MAP2K3: variants seen among roughly 807,000 people sequenced by gnomAD.
MAP2K3 encodes the protein mitogen-activated protein kinase kinase 3.
Under a neutral mutation model 46.4 loss-of-function variants are expected in MAP2K3, and 30 were observed. That is an observed-to-expected ratio of 0.65 (90% CI 0.48 to 0.88). The LOEUF (loss-of-function observed/expected upper bound fraction) is 0.88. MAP2K3 is among the 40% of genes least tolerant of loss of function. The pLI, the probability that MAP2K3 is intolerant of heterozygous loss-of-function variation, is 0.00. For synonymous variants in MAP2K3, 189 were observed against 176.3 expected, an observed-to-expected ratio of 1.07 and a Z score of -0.57; for missense variants, 380 against 464.5, an observed-to-expected ratio of 0.82 and a Z score of 1.67.
intron 1 of MAP2K3, among the ~76,000 whole-genome samples, chr17:21,294,508 C>G (rs67475926): frequency 5.2e-3 from 795 of 152,268 alleles, no homozygotes; most frequent in African/African-American, 0.018. Context: ...AGGGAGCAGC[C>G]GAAGTGGGGG....
intron 1 of MAP2K3, chr17:21,288,231 G>GGAGGTGGAGGA (rs1423756333): frequency 1.7e-6 from 1 of 579,846 alleles, no homozygotes; most frequent in East Asian, 7.0e-5. Context: ...GCCCTGAGCT[G>GGAGGTGGAGGA]GGGCACTGGA....
At chr17:21,309,506 C>A in intron 9 of MAP2K3, among the ~76,000 whole-genome samples, 1 of 152,062 alleles carries the variant, frequency 6.6e-6, no homozygotes, top group South Asian at 2.1e-4. Context: ...ACCTCTTACC[C>A]CGTTTCAGTG....
At chr17:21,303,319 A>C in intron 7 of MAP2K3, 85 bp downstream of exon 7, 4 of 1,587,286 alleles carry the variant, frequency 2.5e-6, no homozygotes, top group Non-Finnish European at 3.4e-6. Context: ...CCTATGAGCA[A>C]CTGTGGCTCC....
At chr17:21,287,869 G>A (rs1567655824) in intron 1 of MAP2K3, 1 of 397,530 alleles carries the variant, frequency 2.5e-6, no homozygotes, top group South Asian at 1.8e-5. Flanking sequence ...TGACACTGAG[G>A]TTTCATAGAG....
intron 1 of MAP2K3, among the ~76,000 whole-genome samples, chr17:21,296,464 G>C (rs875404): frequency 0.067 from 9,800 of 145,220 alleles, no homozygotes; most frequent in East Asian, 0.13. Context: ...GCCGTTTCTT[G>C]TTGAGCACGA....
chr17:21,291,644 C>T (rs1381489014), intron 1 of MAP2K3: 7 of 453,776 alleles, frequency 1.5e-5, no homozygotes, highest in Non-Finnish European at 3.1e-5. Flanking sequence ...ATGGGGCCTG[C>T]CCCACAGTGT....
At chr17:21,294,835 C>T (rs3892032) in intron 1 of MAP2K3, among the ~76,000 whole-genome samples, 22,665 of 143,412 alleles carry the variant, frequency 0.16, no homozygotes, top group African/African-American at 0.18. Context: ...CTCCACTTTA[C>T]ATATGTCCAG....
At chr17:21,289,892 G>A (rs970481279) in intron 1 of MAP2K3, among the ~76,000 whole-genome samples, 9 of 152,202 alleles carry the variant, frequency 5.9e-5, no homozygotes, top group Non-Finnish European at 1.3e-4. Context: ...TGGTTTCTCT[G>A]GGGAGGCCAT....
intron 1 of MAP2K3, among the ~76,000 whole-genome samples, chr17:21,290,368 G>C (rs1001534149): frequency 1.3e-5 from 2 of 152,252 alleles, no homozygotes. Context: ...TTAGCCTTCT[G>C]GTCAACCCAT....
chr17:21,308,340 G>T lies in MAP2K3; in HGVS notation c.774+3212G>T, dbSNP rs1312310220. ...TTTTTGTATTTTTAGTAGAGACGGGGTTTTGCCATGTTGGCCAGGCTGGTC... is the reference window on the plus strand; with the variant it reads ...TTTTTGTATTTTTAGTAGAGACGGGTTTTTGCCATGTTGGCCAGGCTGGTC... On this transcript the variant is annotated intron_variant, in intron 9 of 11. Coordinates refer to ENST00000342679, the MANE Select transcript of MAP2K3 (RefSeq NM_145109.3). Among the ~76,000 whole-genome samples the T allele has an allele frequency of 7.2e-5, 11 of 152,398 alleles. No individual in the cohort carries two copies. In the East Asian group the frequency reaches 1.9e-3, roughly 27 times the overall value.
intron 1 of MAP2K3, chr17:21,291,370 A>G (rs1356603608): frequency 4.6e-6 from 2 of 435,762 alleles, no homozygotes; most frequent in Non-Finnish European, 9.3e-6. Context: ...ACACAACACA[A>G]CACAACACGT....
chr17:21,314,243 G>A lies in MAP2K3; in HGVS notation c.*13G>A, dbSNP rs759835019. The A allele has an allele frequency of 5.7e-5, 92 of 1,611,188 alleles. No individual in the cohort carries two copies. In the East Asian group the frequency reaches 1.9e-3, roughly 32 times the overall value. On this transcript the variant is annotated 3_prime_UTR_variant, in exon 12 of 12. Coordinates refer to ENST00000342679, the MANE Select transcript of MAP2K3 (RefSeq NM_145109.3). ...AGAAGACTCATAGGGGCTGGGCCTCGGACCCCACTCCGGCCCTCCAGAGCC... is the reference window on the plus strand; with the variant it reads ...AGAAGACTCATAGGGGCTGGGCCTCAGACCCCACTCCGGCCCTCCAGAGCC...
intron 3 of MAP2K3, among the ~76,000 whole-genome samples, chr17:21,299,548 G>T (rs1193207975): frequency 6.6e-6 from 1 of 152,306 alleles, no homozygotes; most frequent in Non-Finnish European, 1.5e-5. Context: ...TCAGCGTGGT[G>T]GTGCGTGCCT....
At chr17:21,285,668 G>T (rs897456125) in intron 1 of MAP2K3, among the ~76,000 whole-genome samples, 1 of 152,112 alleles carries the variant, frequency 6.6e-6, no homozygotes, top group Non-Finnish European at 1.5e-5. Context: ...CTCTCTACCG[G>T]CCTCTCTCTG....
intron 1 of MAP2K3, chr17:21,296,245 A>G (rs1345846585): frequency 8.0e-6 from 10 of 1,249,846 alleles, no homozygotes; most frequent in South Asian, 1.2e-5. Context: ...TGTTTTGTAC[A>G]TGAGGAACCC....
chr17:21,309,266 A>T (rs1369146063), intron 9 of MAP2K3, among the ~76,000 whole-genome samples: 2 of 152,312 alleles, frequency 1.3e-5, no homozygotes, highest in African/African-American at 4.8e-5. Context: ...GCACAGCATC[A>T]CTTCTGCCTC....
chr17:21,309,705 C>G (rs1342756319), intron 9 of MAP2K3, among the ~76,000 whole-genome samples: 1 of 152,100 alleles, frequency 6.6e-6, no homozygotes, highest in Non-Finnish European at 1.5e-5. Context: ...CCTCCGCCTC[C>G]CAGGTTCAAG....
At chr17:21,301,702 C>T (rs1976610815) in intron 5 of MAP2K3, among the ~76,000 whole-genome samples, 1 of 152,312 alleles carries the variant, frequency 6.6e-6, no homozygotes, top group East Asian at 1.9e-4. Context: ...ACCTTCCTGT[C>T]AGGAGGGTCC....
At chr17:21,301,080 G>A (rs1263297719) in intron 5 of MAP2K3, 87 bp downstream of exon 5, 12 of 1,601,312 alleles carry the variant, frequency 7.5e-6, no homozygotes, top group African/African-American at 5.3e-5. Flanking sequence ...CCTCCAGTAC[G>A]CCAGGTGCTG....
Sources: gnomAD v4.1 joint callset for allele counts (sites outside exome capture counted in the v4.1 genomes callset) on GRCh38, gnomAD v4.1.1 for gene constraint, MANE v1.5 for transcripts, NCBI Gene and HGNC (gene_info 2026-07-23, HGNC 2026-07-21) for gene names.